Variants in EDIL3 observed in about 807,000 individuals in gnomAD.
EDIL3 encodes the protein EGF like and discoidin domains 3, also known as EGF-like repeat and discoidin I-like domain-containing protein 3.
In EDIL3, 37 loss-of-function variants were observed where a neutral mutation model predicts 67.4. The ratio of observed to expected loss-of-function variants is 0.55; its 90% CI spans 0.42 to 0.72. EDIL3 has a LOEUF of 0.72. Ranked by LOEUF, EDIL3 falls within the 30% of genes least tolerant of loss-of-function variation. The pLI is 0.00. For synonymous variants in EDIL3, 195 were observed against 196.3 expected (o/e 0.99, Z 0.05); for missense variants, 527 against 586.3 (o/e 0.90, Z 1.04).
chr5:84,352,888 C>T (rs1747391458), intron 1 of EDIL3, among the ~76,000 whole-genome samples: 1 of 152,118 alleles, frequency 6.6e-6, no homozygotes, highest in African/African-American at 2.4e-5. Context: ...ATTCCTCCCT[C>T]ACTTCTCACC....
At chr5:84,015,201 G>A (rs1745581271) in intron 9 of EDIL3, among the ~76,000 whole-genome samples, 1 of 152,098 alleles carries the variant, frequency 6.6e-6, no homozygotes, top group African/African-American at 2.4e-5. Context: ...GATGCAATGT[G>A]GGCTCTGAAG....
At chr5:84,075,191 T>G (rs28373685) in intron 6 of EDIL3, among the ~76,000 whole-genome samples, 98,827 of 149,030 alleles carry the variant, frequency 0.66, 33,613 homozygotes, top group African/African-American at 0.82. Context: ...ACACTCTGGG[T>G]ACTGTTGTGG....
Position 84,256,148 on chromosome 5 carries a change from C to CTATCTATCATCTATCT in EDIL3, c.68-1937_68-1936insAGATAGATGATAGATA, listed in dbSNP as rs3046886. ...TCTATCTATCTATCTATCTATCTAT[C>CTATCTATCATCTATCT]ATCTATCTATCTATCCATTTATCCA... On this transcript the variant is annotated intron_variant, in intron 1 of 10. Coordinates refer to ENST00000296591, the MANE Select transcript of EDIL3 (RefSeq NM_005711.5). 2.7e-3 allele frequency among the ~76,000 whole-genome samples: 401 copies of CTATCTATCATCTATCT among 146,640 alleles called. 11 individuals carry two copies. The highest frequency in any genetic ancestry group is 3.9e-3 in the East Asian group (19 of 4,862).
At chr5:84,011,316 A>T (rs749437336) in intron 9 of EDIL3, among the ~76,000 whole-genome samples, 1 of 152,196 alleles carries the variant, frequency 6.6e-6, no homozygotes, top group Non-Finnish European at 1.5e-5. Flanking sequence ...CTCAAAGCCT[A>T]CATTCATTCT....
At chr5:84,355,761 C>A (rs970904135) in intron 1 of EDIL3, among the ~76,000 whole-genome samples, 1 of 152,148 alleles carries the variant, frequency 6.6e-6, no homozygotes, top group Non-Finnish European at 1.5e-5. Flanking sequence ...GAGGCACAGG[C>A]ATCAGGGACC....
chr5:83,985,921 C>G (rs1745051122), intron 9 of EDIL3, among the ~76,000 whole-genome samples: 1 of 151,798 alleles, frequency 6.6e-6, no homozygotes, highest in Non-Finnish European at 1.5e-5. Context: ...TTGGGTCATT[C>G]TGATGTTGGA....
intron 9 of EDIL3, among the ~76,000 whole-genome samples, chr5:84,000,185 A>G (rs1745308163): frequency 6.6e-6 from 1 of 152,162 alleles, no homozygotes; most frequent in South Asian, 2.1e-4. Context: ...GATATTAATG[A>G]GCAACAAGAA....
chr5:84,060,701 T>C (rs1260165941), intron 8 of EDIL3, among the ~76,000 whole-genome samples: 1 of 152,170 alleles, frequency 6.6e-6, no homozygotes, highest in Non-Finnish European at 1.5e-5. Flanking sequence ...CTGAATATAT[T>C]TTGGAAAAAT....
intron 4 of EDIL3, among the ~76,000 whole-genome samples, chr5:84,173,391 C>T (rs1748845449): frequency 6.6e-6 from 1 of 152,206 alleles, no homozygotes; most frequent in South Asian, 2.1e-4. Flanking sequence ...AGGTGCCAGA[C>T]AAAATGGAGA....
rs182714798 is a variant in EDIL3 at position 84,320,859 on chromosome 5, C to A, written c.67+63449G>T. Among the ~76,000 whole-genome samples the A allele has an allele frequency of 2.0e-5, 3 of 152,260 alleles. No homozygotes were observed. In the East Asian group the frequency reaches 5.8e-4, roughly 29 times the overall value. ...TTAAGGCAGTTTATATATGCAATTG[C>A]AACATTTCTTGTGAGTGTAAGGTTT... On this transcript the variant is annotated intron_variant, in intron 1 of 10. Transcript: ENST00000296591.
chr5:84,054,421 C>G (rs1030685670), intron 9 of EDIL3, among the ~76,000 whole-genome samples: 1 of 152,206 alleles, frequency 6.6e-6, no homozygotes. Context: ...CCCTCTCTCA[C>G]CACTCCTATT....
intron 1 of EDIL3, among the ~76,000 whole-genome samples, chr5:84,318,597 T>C (rs971449801): frequency 6.6e-6 from 1 of 152,222 alleles, no homozygotes; most frequent in African/African-American, 2.4e-5. Flanking sequence ...GAAAACTGGT[T>C]AGCCACATGC....
At chr5:84,319,896 C>A (rs1746598907) in intron 1 of EDIL3, among the ~76,000 whole-genome samples, 2 of 151,826 alleles carry the variant, frequency 1.3e-5, no homozygotes, top group African/African-American at 4.8e-5. Flanking sequence ...CAAAGTAACA[C>A]AAGAAGAGAA....
chr5:83,981,097 AC>A (rs1744962975), intron 9 of EDIL3, among the ~76,000 whole-genome samples: 1 of 152,072 alleles, frequency 6.6e-6, no homozygotes, highest in African/African-American at 2.4e-5. Flanking sequence ...CATATCCCTA[AC>A]AAAATCTCAA....
intron 1 of EDIL3, among the ~76,000 whole-genome samples, chr5:84,322,204 A>G (rs575391825): frequency 3.6e-4 from 54 of 151,832 alleles, no homozygotes; most frequent in Non-Finnish European, 6.6e-4. Flanking sequence ...AGTATGACCC[A>G]CTCAAAAAAA....
intron 9 of EDIL3, among the ~76,000 whole-genome samples, chr5:84,044,545 C>A (rs955404429): frequency 6.6e-6 from 1 of 152,044 alleles, no homozygotes; most frequent in East Asian, 1.9e-4. Context: ...TAGATCAGTT[C>A]AAAATCAAAG....
intron 5 of EDIL3, among the ~76,000 whole-genome samples, chr5:84,136,820 C>T (rs1245037670): frequency 1.3e-5 from 2 of 152,048 alleles, no homozygotes; most frequent in Non-Finnish European, 2.9e-5. Flanking sequence ...AGCCAGTGTG[C>T]CCTGTCTATC....
Position 84,262,659 on chromosome 5 carries a change from GTTTTTTTTTTTTTTT to G in EDIL3, c.68-8462_68-8448del, listed in dbSNP as rs773035274. 2.5e-3 allele frequency among the ~76,000 whole-genome samples: 115 copies of G among 46,322 alleles called. 1 individual carries two copies. Among genetic ancestry groups the G allele is most frequent in the African/African-American group, 8.6e-3 (99 of 11,476 alleles). 30.4% of individuals were successfully genotyped at this position (46,322 alleles called of 152,430 possible). ...AAACTACAATTCCCAAGGTTGGTTG[GTTTTTTTTTTTTTTT>G]TTTTTTTTTTTTTTTGAGATGAAGT... On this transcript the variant is annotated intron_variant, in intron 1 of 10. Coordinates refer to ENST00000296591, the MANE Select transcript of EDIL3 (RefSeq NM_005711.5).
chr5:84,354,332 G>A (rs564099051), intron 1 of EDIL3, among the ~76,000 whole-genome samples: 3 of 151,974 alleles, frequency 2.0e-5, no homozygotes, highest in East Asian at 1.9e-4. Flanking sequence ...TTAATACCTC[G>A]CCATTTGACC....
Sources: gnomAD v4.1 joint callset for allele counts (sites outside exome capture counted in the v4.1 genomes callset) on GRCh38, gnomAD v4.1.1 for gene constraint, MANE v1.5 for transcripts, NCBI Gene and HGNC (gene_info 2026-07-23, HGNC 2026-07-21) for gene names.